DOCK6: variants seen among roughly 807,000 people sequenced by gnomAD.
DOCK6 encodes dedicator of cytokinesis protein 6.
Under a neutral mutation model 230.3 loss-of-function variants are expected in DOCK6, and 167 were observed. The observed-to-expected ratio is 0.73, with a 90% CI of 0.64 to 0.82. The LOEUF (loss-of-function observed/expected upper bound fraction) is 0.82. Ranked by LOEUF, DOCK6 falls within the 40% of genes least tolerant of loss-of-function variation. The pLI is 0.00. For missense variants in DOCK6, 2,598 were observed against 2,825.8 expected (o/e 0.92, Z 1.83); for synonymous variants, 1,148 against 1,185.0 (o/e 0.97, Z 0.64).
chr19:11,213,213 A>G lies in DOCK6; in HGVS notation c.4454T>C (p.Leu1485Pro), dbSNP rs1413422034. 6 of 1,613,192 alleles carry G rather than the reference A, an allele frequency of 3.7e-6. No homozygotes were observed. The highest frequency in any genetic ancestry group is 5.1e-6 in the Non-Finnish European group (6 of 1,179,812). ...STIRTHASAS[L>P]YLLMRQNFEI... ...GAAGTTCTGTCGCATGAGCAGGTAC[A>G]GCGAGGCGCTGGCGTGCGTGCGGAT... Residue 1485 changes from leucine (L) to proline (P), a missense_variant, in exon 35 of 48, where the codon CTG (leucine) becomes CCG (proline). Leu to Pro is a moderately conservative substitution (Grantham distance 98). Coordinates refer to ENST00000294618, the MANE Select transcript of DOCK6 (RefSeq NM_020812.4).
intron 28 of DOCK6, among the ~76,000 whole-genome samples, chr19:11,217,997 A>T (rs1046711817): frequency 6.6e-6 from 1 of 150,566 alleles, no homozygotes; most frequent in Non-Finnish European, 1.5e-5. Context: ...GATTACAGGC[A>T]CCCGCCACCA....
chr19:11,225,134 A>G (rs2079644551), intron 24 of DOCK6, among the ~76,000 whole-genome samples: 1 of 151,766 alleles, frequency 6.6e-6, no homozygotes, highest in Non-Finnish European at 1.5e-5. Context: ...AGGCTGAGGC[A>G]GGAGAATTGC....
intron 1 of DOCK6, among the ~76,000 whole-genome samples, chr19:11,260,058 A>C (rs2080262228): frequency 6.6e-6 from 1 of 151,960 alleles, no homozygotes; most frequent in Non-Finnish European, 1.5e-5. Flanking sequence ...TATTTGTGGA[A>C]TAAATGACTG....
Position 11,201,116 on chromosome 19 carries a change from C to A in DOCK6, c.5689-64G>T. 6.3e-7 allele frequency: 1 copy of A among 1,586,680 alleles called. No individual in the cohort carries two copies. Among genetic ancestry groups the A allele is most frequent in the Non-Finnish European group, 8.6e-7 (1 of 1,168,816 alleles). On this transcript the variant is annotated intron_variant, in intron 44 of 47. Coordinates refer to ENST00000294618, the MANE Select transcript of DOCK6 (RefSeq NM_020812.4). This position sits in a 1 kb window ranked among gnomAD's most constrained non-coding sequence, Gnocchi z 4.3. ...TGAGGAGGTCCTGATCGAAGCCAGT[C>A]GGGGGCAGCTCAGACCCCGCTGGGA...
chr19:11,242,762 T>G (rs539808879), intron 13 of DOCK6, among the ~76,000 whole-genome samples: 1 of 152,110 alleles, frequency 6.6e-6, no homozygotes, highest in Non-Finnish European at 1.5e-5. Context: ...GTGTTGGCGT[T>G]ACAGACTTGA....
At chr19:11,203,312 ATGG>A (rs1350485661) in intron 41 of DOCK6, 6 of 167,726 alleles carry the variant, frequency 3.6e-5, no homozygotes, top group African/African-American at 1.2e-4. Context: ...TGGGGCAGAC[ATGG>A]TGGGGCCAGA....
Position 11,262,449 on chromosome 19 carries a change from C to A in DOCK6, c.-9G>T. ...CGCTCGGAGGCAGCCATGGTCCTCG[C>A]GTCCCGCCGCCGCCGCCCCGGGCCC... On this transcript the variant is annotated 5_prime_UTR_variant, in exon 1 of 48. Coordinates refer to ENST00000294618, the MANE Select transcript of DOCK6 (RefSeq NM_020812.4). 1 of 1,193,406 alleles carries A rather than the reference C, an allele frequency of 8.4e-7. No homozygotes were observed. Among genetic ancestry groups the A allele is most frequent in the South Asian group, 4.1e-5 (1 of 24,456 alleles). The allele number at this position is 1,193,406 out of a possible 1,614,324, so 73.9% of individuals were successfully genotyped here.
In DOCK6 at chr19:11,201,117, G is replaced by C. The variant is rs1012277740; in HGVS notation, c.5689-65C>G. ...GAGGAGGTCCTGATCGAAGCCAGTC[G>C]GGGGCAGCTCAGACCCCGCTGGGAG... is the stretch of plus-strand genomic sequence containing the variant. On this transcript the variant is annotated intron_variant, in intron 44 of 47. Transcript: ENST00000294618. This position sits in a 1 kb window ranked among gnomAD's most constrained non-coding sequence, Gnocchi z 4.3. 238 of 1,585,320 alleles carry C rather than the reference G, an allele frequency of 1.5e-4. 1 individual carries two copies. The highest frequency in any genetic ancestry group is 8.6e-4 in the Middle Eastern group (5 of 5,794).
In DOCK6 at chr19:11,217,398, G is replaced by C; in HGVS notation, c.3551-7C>G. 6.2e-7 allele frequency: 1 copy of C among 1,611,558 alleles called. No homozygotes were observed. Among genetic ancestry groups the C allele is most frequent in the South Asian group, 1.1e-5 (1 of 90,612 alleles). On this transcript the variant is annotated splice_region_variant and splice_polypyrimidine_tract_variant and intron_variant, in intron 28 of 47. Transcript: ENST00000294618. ...GACCGCTGACCTGGGCCCTCTGGCA[G>C]GGAAAGACAGAGGGAAAGAAAGATA... is the stretch of plus-strand genomic sequence containing the variant.
intron 30 of DOCK6, 112 bp from the exon 31 acceptor site, chr19:11,216,039 A>C: frequency 7.1e-7 from 1 of 1,406,368 alleles, no homozygotes; most frequent in South Asian, 1.4e-5. Flanking sequence ...CCCTGTGCTT[A>C]AAGACAGATT....
At chr19:11,239,988 C>T (rs1167099704) in intron 14 of DOCK6, 17 of 1,551,674 alleles carry the variant, frequency 1.1e-5, no homozygotes, top group Non-Finnish European at 1.4e-5. Flanking sequence ...AAGAGGAGTT[C>T]GTGTCTAGGG....
intron 14 of DOCK6, 105 bp downstream of exon 14, chr19:11,241,940 C>T: frequency 7.0e-7 from 1 of 1,422,730 alleles, no homozygotes; most frequent in Non-Finnish European, 9.5e-7. Context: ...GTCGTGGCAT[C>T]TCACCCAGGG....
At chr19:11,234,450 GA>G (rs1294129207) in intron 21 of DOCK6, among the ~76,000 whole-genome samples, 2 of 147,996 alleles carry the variant, frequency 1.4e-5, no homozygotes, top group Non-Finnish European at 3.0e-5. Context: ...GAAGAAAAAA[GA>G]AAAAAACCCT....
In DOCK6 at chr19:11,208,999, C is replaced by T. The variant is rs756788882; in HGVS notation, c.4856G>A (p.Cys1619Tyr). 8 of 1,611,358 alleles carry T rather than the reference C, an allele frequency of 5.0e-6. No homozygotes were observed. The highest frequency in any genetic ancestry group is 6.8e-6 in the Non-Finnish European group (8 of 1,178,998). The change falls in exon 38 of 48, where the codon TGC becomes TAC. Residue 1619 changes from cysteine to tyrosine, a missense_variant. Physicochemically the swap from Cys to Tyr is radical, Grantham distance 194 (BLOSUM62 -2). Transcript: ENST00000294618. ...CACGAGGGCGGCCGCGTGCACCATG[C>T]ACTGGGCGGCCTCGGCGTGGTTGCC... ...ELGNHAEAAQCMVHAAALVAE... is the reference protein window; with the variant it reads ...ELGNHAEAAQYMVHAAALVAE...
intron 1 of DOCK6, among the ~76,000 whole-genome samples, chr19:11,261,976 C>A (rs1385903760): frequency 6.6e-6 from 1 of 152,190 alleles, no homozygotes; most frequent in Non-Finnish European, 1.5e-5. Flanking sequence ...CTGCCCCAAA[C>A]CAGGCACTGA....
chr19:11,253,671 G>A lies in DOCK6; in HGVS notation c.100C>T (p.His34Tyr), dbSNP rs201065561. ...QVSRERSGSPHSSRRCSSSLG... is the reference protein window; with the variant it reads ...QVSRERSGSPYSSRRCSSSLG... Reference sequence around the variant, plus strand: ...GAGCTGCTGCAGCGCCTGCTGGAGTGGGGGGAGCCACTGCGTTCCCGGGAC... The same window carrying A: ...GAGCTGCTGCAGCGCCTGCTGGAGTAGGGGGAGCCACTGCGTTCCCGGGAC... The change falls in exon 2 of 48, where the codon CAC becomes TAC. Residue 34 changes from histidine (H) to tyrosine (Y), a missense_variant. His to Tyr is a moderately conservative substitution (Grantham distance 83, BLOSUM62 2). Transcript: ENST00000294618. 7.5e-6 allele frequency: 11 copies of A among 1,463,514 alleles called. No individual in the cohort carries two copies. Among genetic ancestry groups the A allele is most frequent in the Middle Eastern group, 1.8e-4 (1 of 5,638 alleles). The allele number at this position is 1,463,514 out of a possible 1,614,324, so 90.7% of individuals were successfully genotyped here.
intron 6 of DOCK6, among the ~76,000 whole-genome samples, chr19:11,250,153 G>A (rs1265222881): frequency 6.6e-6 from 1 of 151,062 alleles, no homozygotes; most frequent in Non-Finnish European, 1.5e-5. Context: ...TGGGATTACA[G>A]GTGCCCACTA....
chr19:11,238,131 C>T lies in DOCK6; in HGVS notation c.1762-16G>A, dbSNP rs1393216139. On this transcript the variant is annotated splice_polypyrimidine_tract_variant and intron_variant, in intron 15 of 47. Transcript: ENST00000294618. ...CAAAGATGACCTGGGAGAGTGGATT[C>T]ATGAGGGACCCATGGGGGATGCCCT... 6.2e-7 allele frequency: 1 copy of T among 1,613,938 alleles called. No homozygotes were observed. Among genetic ancestry groups the T allele is most frequent in the South Asian group, 1.1e-5 (1 of 91,082 alleles).
At position 11,227,481 on chromosome 19, in the gene DOCK6, G is replaced by C; in HGVS notation, c.2815-4C>G. On this transcript the variant is annotated splice_polypyrimidine_tract_variant and splice_region_variant and intron_variant, in intron 23 of 47. Coordinates refer to ENST00000294618, the MANE Select transcript of DOCK6 (RefSeq NM_020812.4). The stretch of plus-strand genomic sequence containing the variant: ...GGTGCAGCGCCATACTCTTCACCTG[G>C]GGGTGGGGTGAGAGGGCTGTGGGTG... 6.4e-7 allele frequency: 1 copy of C among 1,567,440 alleles called. No homozygotes were observed. Among genetic ancestry groups the C allele is most frequent in the Non-Finnish European group, 8.6e-7 (1 of 1,156,922 alleles).
Sources: gnomAD v4.1 joint callset for allele counts (sites outside exome capture counted in the v4.1 genomes callset) on GRCh38, gnomAD v4.1.1 for gene constraint, Gnocchi (gnomAD v3.1) non-coding constraint, MANE v1.5 for transcripts, NCBI Gene and HGNC (gene_info 2026-07-23, HGNC 2026-07-21) for gene names.